The following OPRM1 variants were observed in gnomAD, a reference collection of about 807,000 sequenced individuals.
OPRM1 encodes opioid receptor mu 1.
Under a neutral mutation model 31.8 loss-of-function variants are expected in OPRM1, and 27 were observed. That is an observed-to-expected ratio of 0.85 (90% CI 0.63 to 1.17). OPRM1 has a LOEUF of 1.17. Among genes scored for constraint, OPRM1 ranks in the 50% most tolerant of loss-of-function variants. The probability of loss-of-function intolerance (pLI) is 0.00; values close to 1 mark genes in which losing one functional copy is unlikely to be tolerated. For missense variants in OPRM1, 536 were observed against 511.1 expected (o/e 1.05, Z -0.47); for synonymous variants, 196 against 189.9 (o/e 1.03, Z -0.26).
In OPRM1 at chr6:154,119,155, G is replaced by A. The variant is rs192072461; in HGVS notation, c.*434G>A. ...TCAAAGCACCTTGAATGGAAGGTCC[G>A]AGTCTTTTTAGTGTTTTGCAAGGGA... On this transcript the variant is annotated 3_prime_UTR_variant, in exon 4 of 4. Transcript: ENST00000330432. 2.6e-4 allele frequency: 261 copies of A among 988,938 alleles called. No homozygotes were observed. In the African/African-American group the frequency reaches 3.7e-3, roughly 14 times the overall value. 61.3% of individuals were successfully genotyped at this position (988,938 alleles called of 1,614,324 possible).
chr6:154,079,858 G>C (rs1788706916), intron 1 of OPRM1, among the ~76,000 whole-genome samples: 1 of 152,046 alleles, frequency 6.6e-6, no homozygotes, highest in Non-Finnish European at 1.5e-5. Context: ...TTACAGACGT[G>C]AGCAACTGCA....
intron 3 of OPRM1, among the ~76,000 whole-genome samples, chr6:154,194,128 G>A (rs576069347): frequency 2.0e-5 from 3 of 152,176 alleles, no homozygotes; most frequent in Non-Finnish European, 2.9e-5. Flanking sequence ...CTAAAATCAC[G>A]GTGGCTCATG....
intron 3 of OPRM1, among the ~76,000 whole-genome samples, chr6:154,167,339 T>C (rs900117282): frequency 3.9e-5 from 6 of 152,224 alleles, no homozygotes; most frequent in African/African-American, 1.2e-4. Context: ...CTTATTCCCA[T>C]TGTGAAAACA....
intron 1 of OPRM1, among the ~76,000 whole-genome samples, chr6:154,032,580 C>G (rs1476702024): frequency 6.6e-6 from 1 of 152,100 alleles, no homozygotes; most frequent in Non-Finnish European, 1.5e-5. Flanking sequence ...GGATTACAAG[C>G]GTGCACCACA....
intron 3 of OPRM1, chr6:154,094,106 G>T (rs1047680505): frequency 5.2e-6 from 3 of 581,218 alleles, no homozygotes; most frequent in African/African-American, 3.9e-5. Context: ...TATATTGGTT[G>T]TGGATGTTTA....
chr6:154,100,566 G>A (rs569762444), intron 3 of OPRM1, among the ~76,000 whole-genome samples: 1 of 151,668 alleles, frequency 6.6e-6, no homozygotes, highest in Non-Finnish European at 1.5e-5. Flanking sequence ...AATATAGGCT[G>A]AAAATTTCAT....
intron 1 of OPRM1, among the ~76,000 whole-genome samples, chr6:154,028,404 G>A (rs917541475): frequency 1.3e-5 from 2 of 152,122 alleles, no homozygotes; most frequent in Non-Finnish European, 2.9e-5. Context: ...TGGAGAAAAG[G>A]GATCTCTCTT....
chr6:154,179,848 T>G (rs570584876), intron 3 of OPRM1, among the ~76,000 whole-genome samples: 31 of 152,208 alleles, frequency 2.0e-4, no homozygotes, highest in Admixed American at 1.6e-3. Context: ...CTCAAACTTT[T>G]AACAGGCACT....
intron 3 of OPRM1, among the ~76,000 whole-genome samples, chr6:154,143,289 CCTT>C (rs1216231697): frequency 6.6e-6 from 1 of 152,138 alleles, no homozygotes; most frequent in Non-Finnish European, 1.5e-5. Context: ...CATACCTAGT[CCTT>C]CTCTCATCAC....
chr6:154,086,610 G>T, intron 1 of OPRM1: 1 of 983,772 alleles, frequency 1.0e-6, no homozygotes, highest in Non-Finnish European at 1.2e-6. Context: ...AGAAGGAAAT[G>T]ATTTTTTTTA....
chr6:154,023,064 C>T (rs1049927470), intron 1 of OPRM1, among the ~76,000 whole-genome samples: 11 of 151,912 alleles, frequency 7.2e-5, no homozygotes, highest in Non-Finnish European at 1.2e-4. Context: ...AATCTTAGGA[C>T]GATTTTGTCT....
chr6:154,156,890 A>T lies in OPRM1; in HGVS notation c.1164+65418A>T, dbSNP rs184907709. 50 of 152,320 alleles carry T rather than the reference A, an allele frequency of 3.3e-4. 1 individual carries two copies. The highest frequency in any genetic ancestry group is 3.1e-3 in the Admixed American group (47 of 15,306). 9.4% of individuals were successfully genotyped at this position (152,320 alleles called of 1,614,324 possible). ...GGTCCTCTTCACAACCCCAAAGAGG[A>T]GTCCTCTCCAAATCCTAATCTTTAG... On this transcript the variant is annotated intron_variant, in intron 3 of 3. Transcript: ENST00000337049.
At chr6:154,083,866 C>T (rs919730705) in intron 1 of OPRM1, among the ~76,000 whole-genome samples, 1 of 150,454 alleles carries the variant, frequency 6.6e-6, no homozygotes, top group Non-Finnish European at 1.5e-5. Flanking sequence ...ATGGCGTGAA[C>T]CCGGGAGGCG....
In OPRM1 at chr6:154,089,914, A is replaced by T; in HGVS notation, c.379A>T (p.Ser127Cys). Residue 127 changes from serine to cysteine, a missense_variant, in exon 2 of 4, where the codon AGT (serine) becomes TGT (cysteine). Ser to Cys is a moderately radical substitution (Grantham distance 112). Transcript: ENST00000330432. ...ALATSTLPFQ[S>C]VNYLMGTWPF... ...AGCCACCAGTACCCTGCCCTTCCAGAGTGTGAATTACCTAATGGGAACATG... is the reference window on the plus strand; with the variant it reads ...AGCCACCAGTACCCTGCCCTTCCAGTGTGTGAATTACCTAATGGGAACATG... 1 of 1,614,078 alleles carries T rather than the reference A, an allele frequency of 6.2e-7. No homozygotes were observed. The highest frequency in any genetic ancestry group is 8.5e-7 in the Non-Finnish European group (1 of 1,179,982).
chr6:154,208,799 T>A (rs1396569578), intron 3 of OPRM1, among the ~76,000 whole-genome samples: 2 of 152,246 alleles, frequency 1.3e-5, no homozygotes, highest in Non-Finnish European at 2.9e-5. Flanking sequence ...CTTTTTGCTC[T>A]TTTGTGAAAC....
intron 1 of OPRM1, among the ~76,000 whole-genome samples, chr6:154,051,557 A>G (rs499796): frequency 0.26 from 39,630 of 152,104 alleles, 5,768 homozygotes; most frequent in African/African-American, 0.38. Flanking sequence ...TATTTATGCA[A>G]CCAATAAGCA....
chr6:154,153,399 C>T (rs1353416838), intron 3 of OPRM1, among the ~76,000 whole-genome samples: 1 of 152,100 alleles, frequency 6.6e-6, no homozygotes, highest in Non-Finnish European at 1.5e-5. Context: ...TTAAAAGAGC[C>T]CCGGCCAGGA....
rs1797137904 is a variant in OPRM1 at position 154,118,782 on chromosome 6, G to T, written c.*61G>T. ...AGAAGCCACCATGTATGTGGAAGCA[G>T]GTTGCTTCAAGAATGTGTAGGAGGC... is the stretch of plus-strand genomic sequence containing the variant. On this transcript the variant is annotated 3_prime_UTR_variant, in exon 4 of 4. Coordinates refer to ENST00000330432, the MANE Select transcript of OPRM1 (RefSeq NM_000914.5). 11 of 1,605,810 alleles carry T rather than the reference G, an allele frequency of 6.9e-6. No individual in the cohort carries two copies. The highest frequency in any genetic ancestry group is 6.7e-5 in the South Asian group (6 of 89,970).
In OPRM1 at chr6:154,090,002, G is replaced by A; in HGVS notation, c.467G>A (p.Ser156Asn). 2 of 1,614,140 alleles carry A rather than the reference G, an allele frequency of 1.2e-6. No individual in the cohort carries two copies. Among genetic ancestry groups the A allele is most frequent in the South Asian group, 1.1e-5 (1 of 91,084 alleles). Reference protein sequence around the residue: ...ISIDYYNMFTSIFTLCTMSVD... With the variant: ...ISIDYYNMFTNIFTLCTMSVD... ...ATAGATTACTATAACATGTTCACCAGCATATTCACCCTCTGCACCATGAGT... is the reference window on the plus strand; with the variant it reads ...ATAGATTACTATAACATGTTCACCAACATATTCACCCTCTGCACCATGAGT... Residue 156 changes from serine to asparagine, a missense_variant, in exon 2 of 4, where the codon AGC becomes AAC. Ser to Asn is a conservative substitution (Grantham distance 46, BLOSUM62 1). Transcript: ENST00000330432.
Sources: allele counts gnomAD v4.1 joint callset (sites outside exome capture counted in the v4.1 genomes callset), GRCh38; gene constraint gnomAD v4.1.1; transcripts MANE v1.5; gene names NCBI Gene and HGNC (gene_info 2026-07-23, HGNC 2026-07-21).